FGF12: variants seen among roughly 807,000 people sequenced by gnomAD.
FGF12 encodes fibroblast growth factor 12.
FGF12 carries 14 observed loss-of-function variants against 23.6 expected under a neutral mutation model. That is an observed-to-expected ratio of 0.59 (90% confidence interval 0.39 to 0.93). FGF12 has a LOEUF of 0.93. Among genes scored for constraint, FGF12 ranks in the 40% least tolerant of loss-of-function variants. The probability of loss-of-function intolerance (pLI) is 0.00; values close to 1 mark genes in which losing one functional copy is unlikely to be tolerated. For missense variants in FGF12, 175 were observed against 217.8 expected (o/e 0.80, Z 1.24); for synonymous variants, 62 against 77.3 (o/e 0.80, Z 1.04).
At chr3:192,155,134 CGCTT>C (rs1560169698) in intron 5 of FGF12, among the ~76,000 whole-genome samples, 50 of 151,908 alleles carry the variant, frequency 3.3e-4, no homozygotes, top group African/African-American at 1.1e-3. Flanking sequence ...TGCCCCCTTG[CGCTT>C]CCCAGGTGAG....
At chr3:192,634,863 T>C (rs1231995569) in intron 2 of FGF12, among the ~76,000 whole-genome samples, 1 of 152,002 alleles carries the variant, frequency 6.6e-6, no homozygotes, top group African/African-American at 2.4e-5. Context: ...ATGAGAATAA[T>C]TTTTTTTCTT....
At chr3:192,578,669 T>G (rs955371761) in intron 2 of FGF12, among the ~76,000 whole-genome samples, 7 of 152,312 alleles carry the variant, frequency 4.6e-5, no homozygotes, top group Non-Finnish European at 8.8e-5. Context: ...CTTTACTTGC[T>G]GGACATTCAA....
At chr3:192,261,266 C>T (rs1279549769) in intron 4 of FGF12, among the ~76,000 whole-genome samples, 1 of 152,148 alleles carries the variant, frequency 6.6e-6, no homozygotes, top group East Asian at 1.9e-4. Context: ...AAACGTTGGC[C>T]ATGGCCGAGG....
At chr3:192,307,678 G>A (rs1255926761) in intron 4 of FGF12, among the ~76,000 whole-genome samples, 1 of 152,186 alleles carries the variant, frequency 6.6e-6, no homozygotes, top group Non-Finnish European at 1.5e-5. Context: ...GATTTGCAAA[G>A]ATAGGCAAGC....
chr3:192,539,521 T>G (rs1438011553), intron 2 of FGF12, among the ~76,000 whole-genome samples: 1 of 152,182 alleles, frequency 6.6e-6, no homozygotes, highest in Non-Finnish European at 1.5e-5. Flanking sequence ...ATCTTTTTAA[T>G]GAGTTATTGA....
intron 3 of FGF12, among the ~76,000 whole-genome samples, chr3:192,356,536 G>A (rs775178662): frequency 1.1e-4 from 16 of 152,040 alleles, no homozygotes; most frequent in Admixed American, 1.3e-4. Flanking sequence ...ACACAGTTTT[G>A]TGCTTTTTAT....
At chr3:192,589,257 C>T (rs553334131) in intron 2 of FGF12, among the ~76,000 whole-genome samples, 71 of 151,404 alleles carry the variant, frequency 4.7e-4, no homozygotes, top group Non-Finnish European at 8.6e-4. Context: ...ATCACTTGAA[C>T]CCAGGAGGCG....
intron 4 of FGF12, among the ~76,000 whole-genome samples, chr3:192,217,325 T>C (rs1185276945): frequency 1.3e-5 from 2 of 152,222 alleles, no homozygotes; most frequent in African/African-American, 4.8e-5. Context: ...ATTTTTAAAC[T>C]GAATAAGTAC....
chr3:192,653,927 T>G (rs1355702010), intron 2 of FGF12, among the ~76,000 whole-genome samples: 1 of 152,130 alleles, frequency 6.6e-6, no homozygotes, highest in Non-Finnish European at 1.5e-5. Flanking sequence ...GGTTTCACCA[T>G]GTTGGTCTGG....
intron 4 of FGF12, among the ~76,000 whole-genome samples, chr3:192,271,793 T>G (rs1306096585): frequency 6.6e-6 from 1 of 152,132 alleles, no homozygotes; most frequent in Non-Finnish European, 1.5e-5. Context: ...CTGAAAGACA[T>G]ACAATATGTC....
chr3:192,453,443 C>G (rs773981925), intron 2 of FGF12, among the ~76,000 whole-genome samples: 2 of 151,934 alleles, frequency 1.3e-5, no homozygotes, highest in Non-Finnish European at 2.9e-5. Context: ...GAATGCCCCC[C>G]CCTTTTTAAA....
chr3:192,572,491 A>C (rs1712686634), intron 2 of FGF12, among the ~76,000 whole-genome samples: 1 of 152,254 alleles, frequency 6.6e-6, no homozygotes, highest in African/African-American at 2.4e-5. Context: ...AAAATGTGCT[A>C]TATAAGGGCA....
chr3:192,158,790 AAGG>A (rs1322172438), intron 5 of FGF12, among the ~76,000 whole-genome samples: 1 of 151,356 alleles, frequency 6.6e-6, no homozygotes, highest in African/African-American at 2.4e-5. Context: ...TTCACTTAGA[AAGG>A]AGAATTAGAT....
intron 4 of FGF12, among the ~76,000 whole-genome samples, chr3:192,312,407 A>ATT (rs201802624): frequency 8.3e-5 from 11 of 132,506 alleles, no homozygotes; most frequent in African/African-American, 2.0e-4. Flanking sequence ...TTAGCCTTTA[A>ATT]TTTTTTTTTT....
At chr3:192,669,602 T>TAA (rs59897483) in intron 2 of FGF12, among the ~76,000 whole-genome samples, 817 of 59,528 alleles carry the variant, frequency 0.014, 24 homozygotes, top group African/African-American at 0.041. Context: ...GACTCTGTCT[T>TAA]AAAAAAAAAA....
intron 2 of FGF12, among the ~76,000 whole-genome samples, chr3:192,528,239 G>A (rs374110800): frequency 2.6e-4 from 39 of 152,270 alleles, no homozygotes; most frequent in African/African-American, 9.1e-4. Flanking sequence ...TACAATGAGG[G>A]TTCAAGCATT....
intron 3 of FGF12, among the ~76,000 whole-genome samples, chr3:192,350,361 A>G (rs770712975): frequency 6.6e-6 from 1 of 152,176 alleles, no homozygotes; most frequent in Non-Finnish European, 1.5e-5. Context: ...GAATAAAAAA[A>G]GTATGGTATA....
intron 4 of FGF12, among the ~76,000 whole-genome samples, chr3:192,308,933 C>G (rs1160004950): frequency 6.6e-6 from 1 of 152,014 alleles, no homozygotes; most frequent in Non-Finnish European, 1.5e-5. Flanking sequence ...CTTACTTTTC[C>G]TATGAGACAA....
chr3:192,557,002 A>G (rs999696107), intron 2 of FGF12, among the ~76,000 whole-genome samples: 4 of 152,064 alleles, frequency 2.6e-5, no homozygotes, highest in African/African-American at 4.8e-5. Flanking sequence ...AAATATTGCT[A>G]GACAAATAAA....
Sources: allele counts gnomAD v4.1 joint callset (sites outside exome capture counted in the v4.1 genomes callset), GRCh38; gene constraint gnomAD v4.1.1; transcripts MANE v1.5; gene names NCBI Gene and HGNC (gene_info 2026-07-23, HGNC 2026-07-21).